OR3A2: variants seen among roughly 807,000 people sequenced by gnomAD.
OR3A2 encodes olfactory receptor 3A2.
For synonymous variants in OR3A2, 126 were observed against 159.3 expected (o/e 0.79, Z 1.57); for missense variants, 318 against 392.8 (o/e 0.81, Z 1.61).
chr17:3,353,180 C>T (rs1035490260), intron 2 of OR3A2, among the ~76,000 whole-genome samples: 1 of 151,118 alleles, frequency 6.6e-6, no homozygotes, highest in Non-Finnish European at 1.5e-5. Flanking sequence ...GGTTGCTTTC[C>T]AAAAATGCCA....
chr17:3,372,962 C>A (rs1336912312), intron 2 of OR3A2, among the ~76,000 whole-genome samples: 1 of 150,578 alleles, frequency 6.6e-6, no homozygotes, highest in Non-Finnish European at 1.5e-5. Context: ...TTCCTCTTAG[C>A]ACTACTTTTG....
At chr17:3,339,257 A>C (rs937804672) in intron 2 of OR3A2, among the ~76,000 whole-genome samples, 3 of 152,144 alleles carry the variant, frequency 2.0e-5, no homozygotes, top group Admixed American at 6.5e-5. Context: ...AATACACTTT[A>C]TTTCTTTCTC....
At chr17:3,361,591 T>C (rs1185142113) in intron 2 of OR3A2, among the ~76,000 whole-genome samples, 2 of 151,736 alleles carry the variant, frequency 1.3e-5, no homozygotes, top group African/African-American at 2.4e-5. Context: ...ATACGTCCCA[T>C]CAATACCTAA....
intron 2 of OR3A2, among the ~76,000 whole-genome samples, chr17:3,382,063 A>G (rs891422195): frequency 6.6e-6 from 1 of 152,156 alleles, no homozygotes; most frequent in Non-Finnish European, 1.5e-5. Flanking sequence ...TGGGCTGGGA[A>G]GTCAAGAAAG....
Position 3,348,698 on chromosome 17 carries a change from C to T in OR3A2, c.-178-12572G>A, listed in dbSNP as rs573161393. On this transcript the variant is annotated intron_variant, in intron 2 of 4. Coordinates refer to the OR3A2 transcript ENST00000573491. Reference sequence around the variant, plus strand: ...CAGACAACACCACAAAGATACTCCTCGAGAAGAGCAACTCCAAAATACATA... The same window carrying T: ...CAGACAACACCACAAAGATACTCCTTGAGAAGAGCAACTCCAAAATACATA... 9.2e-5 allele frequency among the ~76,000 whole-genome samples: 14 copies of T among 151,946 alleles called. 1 individual carries two copies. In the South Asian group the frequency reaches 1.0e-3, roughly 11 times the overall value.
At chr17:3,305,580 T>A (rs73977650) in intron 3 of OR3A2, among the ~76,000 whole-genome samples, 3,510 of 145,848 alleles carry the variant, frequency 0.024, 142 homozygotes, top group African/African-American at 0.08. Flanking sequence ...GTTGTATTAT[T>A]ATTCATAATG....
intron 2 of OR3A2, among the ~76,000 whole-genome samples, chr17:3,366,373 G>A (rs1232815013): frequency 6.6e-6 from 1 of 151,998 alleles, no homozygotes; most frequent in African/African-American, 2.4e-5. Context: ...AAAATGTTGG[G>A]GAAACAGAAA....
At chr17:3,315,751 T>G (rs1163513040) in intron 3 of OR3A2, among the ~76,000 whole-genome samples, 2 of 128,936 alleles carry the variant, frequency 1.6e-5, no homozygotes, top group Admixed American at 8.2e-5. Flanking sequence ...GGTGAAAATA[T>G]GGGGGGGGGG....
intron 3 of OR3A2, among the ~76,000 whole-genome samples, chr17:3,301,824 G>A (rs894373965): frequency 6.6e-6 from 1 of 152,074 alleles, no homozygotes; most frequent in East Asian, 1.9e-4. Flanking sequence ...ATGGTTTTAG[G>A]TCTAACATTT....
rs371772734 is a variant in OR3A2, at chr17:3,342,156, G to A, written c.-178-6030C>T. On this transcript the variant is annotated intron_variant, in intron 2 of 4. Coordinates refer to the OR3A2 transcript ENST00000573491. ...TTCTCTACACTGTTTATTCTAGTTA[G>A]CCATTTGTCTAATCTTTTTTCAAGG... Among the ~76,000 whole-genome samples the A allele has an allele frequency of 7.9e-5, 12 of 152,202 alleles. No homozygotes were observed. The South Asian group carries it at 1.7e-3, about 21-fold the overall frequency.
intron 2 of OR3A2, among the ~76,000 whole-genome samples, chr17:3,375,601 C>T (rs1274188074): frequency 6.6e-6 from 1 of 152,088 alleles, no homozygotes; most frequent in Non-Finnish European, 1.5e-5. Flanking sequence ...CGTGCCTGGC[C>T]CAGTAATTTC....
At chr17:3,292,600 C>A (rs764345010) in intron 3 of OR3A2, 1 of 1,563,938 alleles carries the variant, frequency 6.4e-7, no homozygotes, top group South Asian at 1.2e-5. Flanking sequence ...TGCAAAGAAA[C>A]ATCCAGGGAG....
chr17:3,342,873 G>T (rs548408863), intron 2 of OR3A2, among the ~76,000 whole-genome samples: 6 of 152,224 alleles, frequency 3.9e-5, no homozygotes, highest in Non-Finnish European at 8.8e-5. Context: ...GTTCAGCTAT[G>T]CCCTGCCCCC....
chr17:3,338,258 A>T (rs527418398), intron 2 of OR3A2, among the ~76,000 whole-genome samples: 5 of 152,258 alleles, frequency 3.3e-5, no homozygotes, highest in African/African-American at 1.2e-4. Flanking sequence ...TTTGCTGTGC[A>T]GAAGCTCTTC....
chr17:3,291,692 G>A (rs772476104), intron 3 of OR3A2: 1 of 1,611,334 alleles, frequency 6.2e-7, no homozygotes, highest in South Asian at 1.1e-5. Context: ...GCACATCAGG[G>A]TTTCTGAAGC....
At chr17:3,371,688 G>A (rs1396273216) in intron 2 of OR3A2, among the ~76,000 whole-genome samples, 3 of 142,072 alleles carry the variant, frequency 2.1e-5, no homozygotes, top group East Asian at 4.6e-4. Flanking sequence ...GGCTGGCCGG[G>A]CGGGGGTGCT....
intron 3 of OR3A2, among the ~76,000 whole-genome samples, chr17:3,328,865 G>C (rs1361427672): frequency 6.7e-6 from 1 of 148,190 alleles, no homozygotes; most frequent in Non-Finnish European, 1.5e-5. Flanking sequence ...TACATTTATT[G>C]ATTTGCGAAA....
At chr17:3,356,625 C>T (rs999022696) in intron 2 of OR3A2, among the ~76,000 whole-genome samples, 4 of 151,430 alleles carry the variant, frequency 2.6e-5, no homozygotes, top group Admixed American at 2.0e-4. Context: ...CTATTTTCCA[C>T]CATAAATACT....
At chr17:3,338,194 G>A (rs1014297376) in intron 2 of OR3A2, among the ~76,000 whole-genome samples, 1 of 152,140 alleles carries the variant, frequency 6.6e-6, no homozygotes, top group Non-Finnish European at 1.5e-5. Flanking sequence ...TGGGTAGATT[G>A]CAAAAATTTT....
Sources: gnomAD v4.1 joint callset for allele counts (sites outside exome capture counted in the v4.1 genomes callset) on GRCh38, gnomAD v4.1.1 for gene constraint, MANE v1.5 for transcripts, NCBI Gene and HGNC (gene_info 2026-07-23, HGNC 2026-07-21) for gene names.